SLC7A1: variants seen among roughly 807,000 people sequenced by gnomAD.
SLC7A1 encodes solute carrier family 7 member 1.
Under a neutral mutation model 53.9 loss-of-function variants are expected in SLC7A1, and 10 were observed. The observed-to-expected ratio is 0.19, with a 90% CI of 0.11 to 0.31. The LOEUF (loss-of-function observed/expected upper bound fraction) is 0.31, where lower values mean the gene tolerates loss of function less well. SLC7A1 is among the 10% of genes least tolerant of loss of function. The pLI, the probability that SLC7A1 is intolerant of heterozygous loss-of-function variation, is 1.00. For missense variants in SLC7A1, 525 were observed against 827.2 expected (o/e 0.63, Z 4.48); for synonymous variants, 342 against 338.7 (o/e 1.01, Z -0.11).
Position 29,517,718 on chromosome 13 carries a change from T to G in SLC7A1, c.1365A>C (p.Gln455His). The change falls in exon 10 of 13, where the codon CAA (glutamine) becomes CAC (histidine). Residue 455 changes from glutamine to histidine, a missense_variant. Transcript: ENST00000380752. ...AATCATTGGTGCTTGCCAATTCATTTTGGTCTGCTGGATCTAACTCGTCGG... is the reference window on the plus strand; with the variant it reads ...AATCATTGGTGCTTGCCAATTCATTGTGGTCTGCTGGATCTAACTCGTCGG... The part of the protein sequence containing the change: ...STSDELDPAD[Q>H]NELASTNDSQ... The G allele has an allele frequency of 6.2e-7, 1 of 1,614,216 alleles. No homozygotes were observed. Among genetic ancestry groups the G allele is most frequent in the Non-Finnish European group, 8.5e-7 (1 of 1,180,038 alleles).
In SLC7A1 at chr13:29,517,970, G is replaced by A. The variant is rs556743783; in HGVS notation, c.1293-180C>T. On this transcript the variant is annotated intron_variant, in intron 9 of 12. Transcript: ENST00000380752. The stretch of plus-strand genomic sequence containing the variant: ...GGAGAGACCGGGAACACCACCTCCC[G>A]CTGTTGCTTCTGGGGAACATCCTCC... Among the ~76,000 whole-genome samples the A allele has an allele frequency of 5.3e-5, 8 of 152,342 alleles. No individual in the cohort carries two copies. The South Asian group carries it at 6.2e-4, about 12-fold the overall frequency.
At chr13:29,564,948 A>G (rs1870905129) in intron 1 of SLC7A1, among the ~76,000 whole-genome samples, 1 of 152,250 alleles carries the variant, frequency 6.6e-6, no homozygotes, top group Admixed American at 6.5e-5. Flanking sequence ...ACTGGCTTGT[A>G]GCTGGCATTC....
At chr13:29,569,411 A>C (rs778391733) in intron 1 of SLC7A1, among the ~76,000 whole-genome samples, 5 of 152,088 alleles carry the variant, frequency 3.3e-5, no homozygotes, top group African/African-American at 7.2e-5. Context: ...AACTCACCTC[A>C]AACTGCCCAT....
chr13:29,566,326 T>C (rs551610883), intron 1 of SLC7A1, among the ~76,000 whole-genome samples: 4 of 152,294 alleles, frequency 2.6e-5, no homozygotes, highest in Non-Finnish European at 5.9e-5. Context: ...TGTACACCAA[T>C]GTTCACAGTA....
chr13:29,514,372 G>A lies in SLC7A1; in HGVS notation c.*108C>T, dbSNP rs985779340. 2.7e-6 allele frequency: 2 copies of A among 727,614 alleles called. No homozygotes were observed. The highest frequency in any genetic ancestry group is 1.7e-5 in the African/African-American group (1 of 57,870). 45.1% of individuals were successfully genotyped at this position (727,614 alleles called of 1,614,324 possible). A position where few individuals can be genotyped will look rare whatever the true frequency, so the allele number is the denominator to read the frequency against. Reference sequence around the variant, plus strand: ...TTGCACCTTTGGCTGCAGTGAGGGTGTGGACGCAGGTGGTTTCTGTTGCAC... The same window carrying A: ...TTGCACCTTTGGCTGCAGTGAGGGTATGGACGCAGGTGGTTTCTGTTGCAC... On this transcript the variant is annotated 3_prime_UTR_variant, in exon 13 of 13. Coordinates refer to ENST00000380752, the MANE Select transcript of SLC7A1 (RefSeq NM_003045.5).
rs1462260316 is a variant in SLC7A1, at chr13:29,522,233, A to T, written c.1189+84T>A. The T allele has an allele frequency of 5.8e-6, 8 of 1,383,218 alleles. No individual in the cohort carries two copies. The South Asian group carries it at 8.5e-5, about 15-fold the overall frequency. 85.7% of individuals were successfully genotyped at this position (1,383,218 alleles called of 1,614,324 possible). A position where few individuals can be genotyped will look rare whatever the true frequency, so the allele number is the denominator to read the frequency against. On this transcript the variant is annotated intron_variant, in intron 8 of 12. Transcript: ENST00000380752. ...AAAGACCAGTTAAGATTACTCACAGACCAGAACTGCGCAAGACGTCTCCCT... is the reference window on the plus strand; with the variant it reads ...AAAGACCAGTTAAGATTACTCACAGTCCAGAACTGCGCAAGACGTCTCCCT...
intron 1 of SLC7A1, among the ~76,000 whole-genome samples, chr13:29,588,043 CAACA>C (rs759725308): frequency 1.2e-4 from 19 of 152,300 alleles, no homozygotes; most frequent in Non-Finnish European, 2.1e-4. Flanking sequence ...AAATTTTCCA[CAACA>C]AACATTCTAA....
At chr13:29,557,150 AATGCT>A (rs1398448763) in intron 1 of SLC7A1, among the ~76,000 whole-genome samples, 1 of 152,254 alleles carries the variant, frequency 6.6e-6, no homozygotes, top group Non-Finnish European at 1.5e-5. Flanking sequence ...AGAGTAATGC[AATGCT>A]ACGCCTCAGA....
In SLC7A1 at chr13:29,568,764, C is replaced by A. The variant is rs645778; in HGVS notation, c.-114-14904G>T. On this transcript the variant is annotated intron_variant, in intron 1 of 12. Coordinates refer to ENST00000380752, the MANE Select transcript of SLC7A1 (RefSeq NM_003045.5). Reference sequence around the variant, plus strand: ...GGAGATGATGATCATGAGACTGAGACCTTGTGTGGCCGCAAAGCCTAAAAT... The same window carrying A: ...GGAGATGATGATCATGAGACTGAGAACTTGTGTGGCCGCAAAGCCTAAAAT... 2.7e-3 allele frequency among the ~76,000 whole-genome samples: 406 copies of A among 152,278 alleles called. 3 individuals carry two copies. Among genetic ancestry groups the A allele is most frequent in the African/African-American group, 9.1e-3 (380 of 41,538 alleles).
At chr13:29,543,797 G>C (rs1390681970) in intron 2 of SLC7A1, among the ~76,000 whole-genome samples, 2 of 151,542 alleles carry the variant, frequency 1.3e-5, no homozygotes, top group Non-Finnish European at 1.5e-5. Flanking sequence ...GAGGAGGGAG[G>C]GGGTGGAGAG....
intron 9 of SLC7A1, 69 bp downstream of exon 9, chr13:29,519,378 G>T: frequency 1.1e-6 from 1 of 909,054 alleles, no homozygotes; most frequent in Non-Finnish European, 1.8e-6. Context: ...ATAAACCATA[G>T]CTGAACTGTG....
chr13:29,590,297 C>T (rs1872055491), intron 1 of SLC7A1, among the ~76,000 whole-genome samples: 1 of 152,188 alleles, frequency 6.6e-6, no homozygotes, highest in Admixed American at 6.5e-5. Context: ...CCAAGGGCTT[C>T]GGAGTAATTT....
intron 2 of SLC7A1, among the ~76,000 whole-genome samples, chr13:29,548,357 T>C (rs1399631272): frequency 6.6e-6 from 1 of 152,200 alleles, no homozygotes; most frequent in Non-Finnish European, 1.5e-5. Context: ...TCCTTACCTT[T>C]TGACAGGTAA....
intron 5 of SLC7A1, among the ~76,000 whole-genome samples, chr13:29,526,130 G>A (rs964798016): frequency 1.3e-5 from 2 of 152,168 alleles, no homozygotes; most frequent in African/African-American, 4.8e-5. Context: ...GGTGACAGAC[G>A]GGCAGTGAAA....
At position 29,514,099 on chromosome 13, in the gene SLC7A1, C is replaced by T. The variant is rs1883480320; in HGVS notation, c.*381G>A. Reference sequence around the variant, plus strand: ...AGTTTGGAGTATGCACAATTTCAATCCCAGAACAGTCCCCGGGAGGAAGGC... The same window carrying T: ...AGTTTGGAGTATGCACAATTTCAATTCCAGAACAGTCCCCGGGAGGAAGGC... On this transcript the variant is annotated 3_prime_UTR_variant, in exon 13 of 13. Coordinates refer to ENST00000380752, the MANE Select transcript of SLC7A1 (RefSeq NM_003045.5). 1 of 229,660 alleles carries T rather than the reference C, an allele frequency of 4.4e-6. No individual in the cohort carries two copies. The highest frequency in any genetic ancestry group is 8.7e-6 in the Non-Finnish European group (1 of 114,934). The allele number at this position is 229,660 out of a possible 1,614,324, so 14.2% of individuals were successfully genotyped here. A position where few individuals can be genotyped will look rare whatever the true frequency, so the allele number is the denominator to read the frequency against.
intron 1 of SLC7A1, among the ~76,000 whole-genome samples, chr13:29,587,626 C>T (rs1356567942): frequency 6.6e-6 from 1 of 152,178 alleles, no homozygotes; most frequent in African/African-American, 2.4e-5. Flanking sequence ...GGGGTATAGA[C>T]CAGACAAGAG....
chr13:29,519,333 G>T, intron 9 of SLC7A1, 114 bp downstream of exon 9: 1 of 624,506 alleles, frequency 1.6e-6, no homozygotes, highest in Admixed American at 2.8e-5. Context: ...AGCTCCCAAT[G>T]GAGCTATCAC....
chr13:29,524,705 G>A (rs962379263), intron 5 of SLC7A1, among the ~76,000 whole-genome samples: 1 of 152,272 alleles, frequency 6.6e-6, no homozygotes, highest in East Asian at 1.9e-4. Context: ...AGAAACTAAG[G>A]CTAAAATAAA....
At chr13:29,575,323 C>G (rs755650024) in intron 1 of SLC7A1, among the ~76,000 whole-genome samples, 2 of 152,326 alleles carry the variant, frequency 1.3e-5, no homozygotes, top group Middle Eastern at 3.4e-3. Context: ...CCAGGCAGAT[C>G]TTCTCAAAAC....
Sources: gnomAD v4.1 joint callset for allele counts (sites outside exome capture counted in the v4.1 genomes callset) on GRCh38, gnomAD v4.1.1 for gene constraint, MANE v1.5 for transcripts, NCBI Gene and HGNC (gene_info 2026-07-23, HGNC 2026-07-21) for gene names.